The following MGST1 variants were observed in gnomAD, a reference collection of about 807,000 sequenced individuals.
MGST1 encodes microsomal glutathione S-transferase 1.
In MGST1, 5 loss-of-function variants were observed where a neutral mutation model predicts 8.9. That is an observed-to-expected ratio of 0.56 (90% CI 0.29 to 1.19). The LOEUF (loss-of-function observed/expected upper bound fraction) is 1.19. MGST1 is among the 50% of genes most tolerant of loss of function. The pLI is 0.08. For synonymous variants in MGST1, 54 were observed against 67.8 expected, an observed-to-expected ratio of 0.80 and a Z score of 1.00; for missense variants, 182 against 187.4, an observed-to-expected ratio of 0.97 and a Z score of 0.17.
intron 1 of MGST1, among the ~76,000 whole-genome samples, chr12:16,430,403 C>A (rs1020324150): frequency 2.0e-5 from 3 of 152,132 alleles, no homozygotes; most frequent in African/African-American, 7.2e-5. Context: ...TGTGCTAGAT[C>A]CATCAGAGGA....
rs1351802939 is a variant in MGST1 at position 16,544,958 on chromosome 12, GCAAA to G, written n.483-44567_483-44564del. Among the ~76,000 whole-genome samples, 12 of 152,046 alleles carry G rather than the reference GCAAA, an allele frequency of 7.9e-5. No homozygotes were observed. Among genetic ancestry groups the G allele is most frequent in the African/African-American group, 2.6e-4 (11 of 41,526 alleles). The stretch of plus-strand genomic sequence containing the variant: ...CAATAACACAGATCCTGTAAGTTTA[GCAAA>G]CACACTATTTTCTAAATTTTTAAAG... On this transcript the variant is annotated intron_variant and non_coding_transcript_variant, in intron 4 of 4. Coordinates refer to the MGST1 transcript ENST00000538857. The surrounding 1 kb of genome is among the most constrained non-coding windows in gnomAD (Gnocchi z 4.8).
chr12:16,387,360 C>T (rs1008209550), intron 1 of MGST1, among the ~76,000 whole-genome samples: 6 of 152,214 alleles, frequency 3.9e-5, no homozygotes, highest in African/African-American at 1.4e-4. Flanking sequence ...TTACTCCCCT[C>T]TTTATGTTGA....
chr12:16,588,026 C>T (rs527710137), intron 4 of MGST1, among the ~76,000 whole-genome samples: 3 of 152,180 alleles, frequency 2.0e-5, no homozygotes, highest in Non-Finnish European at 4.4e-5. Context: ...CTTTCCCAAG[C>T]TTTGGTATTT....
At chr12:16,409,100 A>C (rs899699485) in intron 1 of MGST1, among the ~76,000 whole-genome samples, 2 of 152,062 alleles carry the variant, frequency 1.3e-5, no homozygotes, top group Non-Finnish European at 2.9e-5. Flanking sequence ...TGTGTTTGTA[A>C]TTTAAGCATC....
At chr12:16,359,810 G>C (rs1939903265) in intron 3 of MGST1, among the ~76,000 whole-genome samples, 2 of 152,184 alleles carry the variant, frequency 1.3e-5, no homozygotes, top group Non-Finnish European at 2.9e-5. Flanking sequence ...AGTAGTATTA[G>C]TAAGACTGAA....
chr12:16,398,795 A>C (rs1245837114), intron 1 of MGST1, among the ~76,000 whole-genome samples: 2 of 152,230 alleles, frequency 1.3e-5, no homozygotes, highest in African/African-American at 4.8e-5. Flanking sequence ...AATTTCCAAG[A>C]ACCTTGAGTA....
intron 4 of MGST1, among the ~76,000 whole-genome samples, chr12:16,538,822 A>C (rs2137209746): frequency 6.6e-6 from 1 of 152,070 alleles, no homozygotes; most frequent in Non-Finnish European, 1.5e-5. Flanking sequence ...GTTAGCCAGG[A>C]GGGTATCGAT....
In MGST1 at chr12:16,513,590, A is replaced by G. The variant is rs1201957127; in HGVS notation, n.483-75938A>G. 2 of 493,672 alleles carry G rather than the reference A, an allele frequency of 4.1e-6. No homozygotes were observed. Among genetic ancestry groups the G allele is most frequent in the South Asian group, 1.5e-5 (1 of 65,762 alleles). 30.6% of individuals were successfully genotyped at this position (493,672 alleles called of 1,614,324 possible). A position where few individuals can be genotyped will look rare whatever the true frequency, so the allele number is the denominator to read the frequency against. On this transcript the variant is annotated intron_variant and non_coding_transcript_variant, in intron 4 of 4. Transcript: ENST00000538857. This position sits in a 1 kb window ranked among gnomAD's most constrained non-coding sequence, Gnocchi z 4.2. ...AAGATGAATCTGGGAGTTAGTGCCT[A>G]CAGGGACCACAACGGAAAGCCTTAC... is the stretch of plus-strand genomic sequence containing the variant.
intron 1 of MGST1, among the ~76,000 whole-genome samples, chr12:16,350,524 C>T (rs1939412387): frequency 6.6e-6 from 1 of 152,154 alleles, no homozygotes; most frequent in East Asian, 1.9e-4. Context: ...ACTCTTCTCC[C>T]TCCTGACAAC....
chr12:16,505,192 G>C (rs543596866), intron 4 of MGST1, among the ~76,000 whole-genome samples: 1 of 152,180 alleles, frequency 6.6e-6, no homozygotes, highest in South Asian at 2.1e-4. Flanking sequence ...TTTCTGCAGA[G>C]TTACCACAGG....
chr12:16,427,082 C>T (rs1264775862), intron 1 of MGST1, among the ~76,000 whole-genome samples: 1 of 151,836 alleles, frequency 6.6e-6, no homozygotes, highest in East Asian at 1.9e-4. Flanking sequence ...ACAAGGAATG[C>T]TGAAATTAAG....
chr12:16,364,125 G>C lies in MGST1; in HGVS notation c.*84G>C. ...ATAATGAATACTTTCTTAGATTTTA[G>C]GTAGGAGGGGAGCAGAGGAATTATG... is the stretch of plus-strand genomic sequence containing the variant. On this transcript the variant is annotated 3_prime_UTR_variant, in exon 4 of 4. Transcript: ENST00000396210. The surrounding 1 kb of genome is among the most constrained non-coding windows in gnomAD (Gnocchi z 5.7). 1 of 1,479,136 alleles carries C rather than the reference G, an allele frequency of 6.8e-7. No homozygotes were observed. Among genetic ancestry groups the C allele is most frequent in the Non-Finnish European group, 9.0e-7 (1 of 1,112,908 alleles). The allele number at this position is 1,479,136 out of a possible 1,614,324, so 91.6% of individuals were successfully genotyped here.
At chr12:16,552,866 C>A (rs544324148) in intron 4 of MGST1, among the ~76,000 whole-genome samples, 18 of 152,078 alleles carry the variant, frequency 1.2e-4, no homozygotes, top group Non-Finnish European at 2.2e-4. Flanking sequence ...TTTGTGCAAG[C>A]CAGTTTGATA....
At chr12:16,349,503 C>G (rs1482692867) in intron 1 of MGST1, among the ~76,000 whole-genome samples, 1 of 152,068 alleles carries the variant, frequency 6.6e-6, no homozygotes, top group African/African-American at 2.4e-5. Context: ...AAGTTGCAGT[C>G]TTGGTCTCTC....
At chr12:16,430,611 A>G (rs372051385) in intron 1 of MGST1, among the ~76,000 whole-genome samples, 171 of 92,760 alleles carry the variant, frequency 1.8e-3, no homozygotes, top group African/African-American at 6.5e-3. Context: ...ATTTTGAAAG[A>G]AATTTTTTTT....
At chr12:16,402,130 T>G in intron 1 of MGST1, 2 of 1,516,752 alleles carry the variant, frequency 1.3e-6, no homozygotes, top group South Asian at 1.1e-5. Context: ...GGGGCTCCAT[T>G]AGCATTCTCA....
intron 4 of MGST1, among the ~76,000 whole-genome samples, chr12:16,488,441 T>C (rs1315941313): frequency 1.3e-5 from 2 of 152,110 alleles, no homozygotes; most frequent in East Asian, 3.9e-4. Context: ...CTTCATATCT[T>C]GATGTTCTCT....
intron 4 of MGST1, among the ~76,000 whole-genome samples, chr12:16,518,922 T>C (rs1438503189): frequency 6.6e-6 from 1 of 152,198 alleles, no homozygotes; most frequent in Non-Finnish European, 1.5e-5. Flanking sequence ...CAGAACTAAA[T>C]AGGGAATTCT....
intron 4 of MGST1, among the ~76,000 whole-genome samples, chr12:16,540,385 A>G (rs1941785621): frequency 1.3e-5 from 2 of 152,082 alleles, no homozygotes; most frequent in Admixed American, 6.5e-5. Context: ...CGATCCTCTC[A>G]CTTCAGCTTT....
Sources: gnomAD v4.1 joint callset for allele counts (sites outside exome capture counted in the v4.1 genomes callset) on GRCh38, gnomAD v4.1.1 for gene constraint, Gnocchi (gnomAD v3.1) non-coding constraint, MANE v1.5 for transcripts, NCBI Gene and HGNC (gene_info 2026-07-23, HGNC 2026-07-21) for gene names.